The following ATP2C1 variants were observed in gnomAD, a reference collection of about 807,000 sequenced individuals.
The protein encoded by ATP2C1 is calcium-transporting ATPase type 2C member 1.
Under a neutral mutation model 120.5 loss-of-function variants are expected in ATP2C1, and 31 were observed. That is an observed-to-expected ratio of 0.26 (90% CI 0.19 to 0.35). The LOEUF (loss-of-function observed/expected upper bound fraction) is 0.35, where lower values mean the gene tolerates loss of function less well. ATP2C1 is among the 10% of genes least tolerant of loss of function. The pLI, the probability that ATP2C1 is intolerant of heterozygous loss-of-function variation, is 1.00. For missense variants in ATP2C1, 731 were observed against 1,107.5 expected (o/e 0.66, Z 4.83); for synonymous variants, 351 against 358.7 (o/e 0.98, Z 0.24).
intron 26 of ATP2C1, among the ~76,000 whole-genome samples, chr3:131,012,326 C>T (rs886145295): frequency 2.1e-5 from 3 of 144,940 alleles, no homozygotes; most frequent in East Asian, 4.0e-4. Context: ...GGCGCCATCT[C>T]GGTTCACTGC....
chr3:130,947,998 C>T (rs923585991), intron 8 of ATP2C1, among the ~76,000 whole-genome samples: 3 of 152,144 alleles, frequency 2.0e-5, no homozygotes, highest in Non-Finnish European at 4.4e-5. Flanking sequence ...TTGCAAATGA[C>T]ATCTTTATGC....
intron 20 of ATP2C1, among the ~76,000 whole-genome samples, chr3:130,986,800 A>G (rs966317638): frequency 6.6e-6 from 1 of 151,630 alleles, no homozygotes; most frequent in African/African-American, 2.4e-5. Flanking sequence ...CTTTTTCCCT[A>G]CTTCATTTTG....
At chr3:130,918,177 A>AAG in intron 2 of ATP2C1, 1 of 1,065,838 alleles carries the variant, frequency 9.4e-7, no homozygotes, top group Non-Finnish European at 1.5e-6. Context: ...CTAGATTATG[A>AAG]AGAGATTCTC....
chr3:130,926,269 C>T (rs1267358164), intron 2 of ATP2C1, among the ~76,000 whole-genome samples: 2 of 152,182 alleles, frequency 1.3e-5, no homozygotes, highest in Non-Finnish European at 2.9e-5. Flanking sequence ...GCCTCCTATC[C>T]ACCATCTTAA....
chr3:130,967,897 GAGA>G (rs1164581112), intron 16 of ATP2C1, among the ~76,000 whole-genome samples: 1 of 152,070 alleles, frequency 6.6e-6, no homozygotes, highest in East Asian at 1.9e-4. Context: ...TTGTTTTGGG[GAGA>G]AGAAGTCTCA....
chr3:130,964,773 T>C (rs112967340), intron 13 of ATP2C1, among the ~76,000 whole-genome samples, 175 bp from the exon 14 acceptor site: 4 of 152,078 alleles, frequency 2.6e-5, no homozygotes, highest in African/African-American at 9.7e-5. Flanking sequence ...TTTCAGAAAC[T>C]GTACCTTATG....
intron 5 of ATP2C1, among the ~76,000 whole-genome samples, chr3:130,937,210 C>A (rs1390534058): frequency 1.3e-5 from 2 of 152,118 alleles, no homozygotes; most frequent in Non-Finnish European, 2.9e-5. Flanking sequence ...GCCCTGAGAT[C>A]AAAAAGTTAG....
chr3:130,917,225 G>A (rs548989544), intron 2 of ATP2C1, among the ~76,000 whole-genome samples: 2 of 152,266 alleles, frequency 1.3e-5, no homozygotes, highest in South Asian at 4.2e-4. Context: ...TATGATGTTC[G>A]CTTCGGTAGG....
At chr3:131,006,640 TGTG>T (rs2063126826), downstream of ATP2C1, among the ~76,000 whole-genome samples, 2 of 7,628 alleles carry the variant, frequency 2.6e-4, no homozygotes, top group Non-Finnish European at 7.3e-4. Context: ...TGTGTTTGTG[TGTG>T]TGTGTGTGTG....
chr3:130,980,248 CTT>C (rs139503041), intron 19 of ATP2C1, among the ~76,000 whole-genome samples: 48 of 139,700 alleles, frequency 3.4e-4, no homozygotes, highest in Non-Finnish European at 3.9e-4. Flanking sequence ...AGTCAAAATT[CTT>C]TTTTTTTTTT....
chr3:130,893,391 C>G (rs1360165861), upstream of ATP2C1, among the ~76,000 whole-genome samples: 6 of 152,200 alleles, frequency 3.9e-5, no homozygotes, highest in Non-Finnish European at 8.8e-5. Flanking sequence ...GAACCTTGCT[C>G]TCTCATTACA....
At chr3:130,950,564 C>G (rs1213256897) in intron 8 of ATP2C1, among the ~76,000 whole-genome samples, 1 of 152,132 alleles carries the variant, frequency 6.6e-6, no homozygotes, top group Non-Finnish European at 1.5e-5. Flanking sequence ...TAGGAAAACT[C>G]TTGCAATCAC....
In ATP2C1 at chr3:130,894,735, T is replaced by G. The variant is rs763306376; in HGVS notation, c.-35T>G. The G allele has an allele frequency of 1.2e-6, 2 of 1,614,024 alleles. No individual in the cohort carries two copies. The highest frequency in any genetic ancestry group is 2.7e-5 in the African/African-American group (2 of 74,916). On this transcript the variant is annotated 5_prime_UTR_variant, in exon 2 of 28. Transcript: ENST00000510168. This position sits in a 1 kb window ranked among gnomAD's most constrained non-coding sequence, Gnocchi z 4.5. ...TGGCCGTGGCTGACACTAAAGACTT[T>G]GTAGCCATCAACCCGAGTGCAGTTT...
At chr3:130,897,841 A>C (rs1226991056) in intron 2 of ATP2C1, among the ~76,000 whole-genome samples, 1 of 152,100 alleles carries the variant, frequency 6.6e-6, no homozygotes, top group East Asian at 1.9e-4. Flanking sequence ...AATTTCCTGG[A>C]ATTTTTGGAC....
intron 1 of ATP2C1, among the ~76,000 whole-genome samples, chr3:130,885,662 C>T (rs528302013): frequency 2.4e-4 from 36 of 151,898 alleles, no homozygotes; most frequent in African/African-American, 8.2e-4. Flanking sequence ...TGCTTTTTAA[C>T]GTCTTGTTTC....
chr3:130,866,191 A>G (rs946963647), intron 1 of ATP2C1, among the ~76,000 whole-genome samples: 1 of 141,280 alleles, frequency 7.1e-6, no homozygotes, highest in Non-Finnish European at 1.5e-5. Context: ...CAAATTATAG[A>G]AGTATTTTAG....
Position 130,967,433 on chromosome 3 carries a change from T to C in ATP2C1, c.1308+14T>C, listed in dbSNP as rs772069581. ...CTTGCAATGAAGGTACGTACCTAAA[T>C]TTCTCTTCTTTGACATTTGAGACAC... On this transcript the variant is annotated intron_variant, in intron 16 of 27. Transcript: ENST00000510168. The C allele has an allele frequency of 4.4e-6, 7 of 1,607,008 alleles. No individual in the cohort carries two copies. In the South Asian group the frequency reaches 7.7e-5, roughly 18 times the overall value.
rs548500696 is a variant in ATP2C1 at position 130,879,835 on chromosome 3, C to A, written c.108+28907C>A. Among the ~76,000 whole-genome samples the A allele has an allele frequency of 6.6e-5, 10 of 152,274 alleles. No homozygotes were observed. The South Asian group carries it at 2.1e-3, about 32-fold the overall frequency. ...ACATCAGTGGTGTCTGCAAGTTCCT[C>A]AGTGGCTTAGATTGCAGTTGTCTGT... On this transcript the variant is annotated intron_variant, in intron 1 of 26. Transcript: ENST00000504381.
chr3:130,932,209 A>G, intron 4 of ATP2C1, 71 bp downstream of exon 4: 2 of 968,946 alleles, frequency 2.1e-6, no homozygotes, highest in Non-Finnish European at 3.4e-6. Context: ...GTAGTTGCTT[A>G]CTTTTGTGAT....
Sources: allele counts gnomAD v4.1 joint callset (sites outside exome capture counted in the v4.1 genomes callset), GRCh38; gene constraint gnomAD v4.1.1; non-coding constraint Gnocchi (gnomAD v3.1); transcripts MANE v1.5; gene names NCBI Gene and HGNC (gene_info 2026-07-23, HGNC 2026-07-21).